C2CD3: variants seen among roughly 807,000 people sequenced by gnomAD.
C2CD3 encodes the protein C2 domain containing 3 centriole elongation regulator, also known as C2 domain-containing protein 3.
In C2CD3, 148 loss-of-function variants were observed where a neutral mutation model predicts 234.0. The observed-to-expected ratio is 0.63, with a 90% CI of 0.55 to 0.72. The LOEUF (loss-of-function observed/expected upper bound fraction) is 0.72. Ranked by LOEUF, C2CD3 falls within the 30% of genes least tolerant of loss-of-function variation. The pLI, the probability that C2CD3 is intolerant of heterozygous loss-of-function variation, is 0.00. For synonymous variants in C2CD3, 1,000 were observed against 1,035.4 expected (o/e 0.97, Z 0.66); for missense variants, 2,577 against 2,811.5 (o/e 0.92, Z 1.89).
chr11:74,042,369 G>T, intron 28 of C2CD3, 151 bp from the exon 29 acceptor site: 1 of 782,730 alleles, frequency 1.3e-6, no homozygotes, highest in Non-Finnish European at 2.0e-6. Context: ...TCTCTTGCTT[G>T]GATTATAAAT....
At chr11:74,138,390 GA>G in intron 5 of C2CD3, among the ~76,000 whole-genome samples, 1 of 152,276 alleles carries the variant, frequency 6.6e-6, no homozygotes, top group South Asian at 2.1e-4. Context: ...CTGATCACGA[GA>G]CAAAAACCTT....
At chr11:74,153,210 A>C (rs1256934292) in intron 3 of C2CD3, among the ~76,000 whole-genome samples, 1 of 148,026 alleles carries the variant, frequency 6.8e-6, no homozygotes, top group Admixed American at 6.8e-5. Context: ...TCTGTCTCTT[A>C]AAAACAAAAC....
Position 74,041,746 on chromosome 11 carries a change from A to C in C2CD3, c.5660+308T>G, listed in dbSNP as rs826075. 0.15 allele frequency among the ~76,000 whole-genome samples: 22,243 copies of C among 152,184 alleles called. 4,655 individuals are homozygous for C. Among genetic ancestry groups the C allele is most frequent in the African/African-American group, 0.47 (19,385 of 41,464 alleles). On this transcript the variant is annotated intron_variant, in intron 29 of 32. Transcript: ENST00000334126. ...GGACAGAGGCTGGTCTGGACGAAGT[A>C]AATGGTTGTGAGGTTGTGAGGCTGG... is the stretch of plus-strand genomic sequence containing the variant.
chr11:74,150,059 T>C (rs1336310379), intron 3 of C2CD3, among the ~76,000 whole-genome samples: 1 of 152,146 alleles, frequency 6.6e-6, no homozygotes. Flanking sequence ...TAGAATCTTG[T>C]TTTTGTTTTC....
chr11:74,040,776 C>T (rs1952999029), intron 29 of C2CD3, among the ~76,000 whole-genome samples: 1 of 151,170 alleles, frequency 6.6e-6, no homozygotes, highest in South Asian at 2.1e-4. Context: ...AAAACAAAAA[C>T]AAACAAACAA....
At chr11:74,027,771 C>T (rs2135407832) in intron 32 of C2CD3, among the ~76,000 whole-genome samples, 1 of 152,276 alleles carries the variant, frequency 6.6e-6, no homozygotes, top group Middle Eastern at 3.4e-3. Context: ...TTGGTACTTG[C>T]AAGAAAGTTC....
intron 9 of C2CD3, among the ~76,000 whole-genome samples, chr11:74,116,537 C>T (rs1956931571): frequency 6.6e-6 from 1 of 151,678 alleles, no homozygotes; most frequent in African/African-American, 2.4e-5. Flanking sequence ...GGAATGTAAA[C>T]TAGTACAACT....
At chr11:74,051,314 A>AG (rs1404707718) in intron 26 of C2CD3, among the ~76,000 whole-genome samples, 9 of 151,858 alleles carry the variant, frequency 5.9e-5, no homozygotes, top group African/African-American at 1.9e-4. Context: ...AAAAAAAAAA[A>AG]GATCCCCTTC....
At chr11:74,145,671 A>G (rs1855132614) in intron 3 of C2CD3, among the ~76,000 whole-genome samples, 2 of 152,080 alleles carry the variant, frequency 1.3e-5, no homozygotes, top group African/African-American at 4.8e-5. Flanking sequence ...GAGTCTTTAC[A>G]GTTTTAGGTT....
chr11:74,042,336 C>G lies in C2CD3; in HGVS notation c.5496-118G>C, dbSNP rs1038162482. On this transcript the variant is annotated intron_variant, in intron 28 of 32. Transcript: ENST00000334126. ...GAAATGGAATGCAAATCTATCCCCACTATCACAGTTCTGGCCTTATCATCT... is the reference window on the plus strand; with the variant it reads ...GAAATGGAATGCAAATCTATCCCCAGTATCACAGTTCTGGCCTTATCATCT... The G allele has an allele frequency of 2.9e-6, 3 of 1,019,634 alleles. No homozygotes were observed. In the African/African-American group the frequency reaches 4.9e-5, roughly 17 times the overall value. The allele number at this position is 1,019,634 out of a possible 1,614,324, so 63.2% of individuals were successfully genotyped here.
intron 5 of C2CD3, among the ~76,000 whole-genome samples, chr11:74,137,030 C>CT (rs1166676910): frequency 2.4e-3 from 327 of 138,222 alleles, no homozygotes; most frequent in African/African-American, 6.0e-3. Flanking sequence ...TTTCTCTTTG[C>CT]TTTTTTTTTT....
At chr11:74,141,405 G>A (rs1958044706) in intron 3 of C2CD3, among the ~76,000 whole-genome samples, 1 of 152,204 alleles carries the variant, frequency 6.6e-6, no homozygotes, top group Admixed American at 6.5e-5. Context: ...TAAATGCCAG[G>A]AAGTGTTCCC....
intron 26 of C2CD3, 32 bp downstream of exon 26, chr11:74,054,575 G>T: frequency 1.8e-6 from 2 of 1,096,884 alleles, no homozygotes; most frequent in Non-Finnish European, 2.7e-6. Context: ...ATTTTTACAA[G>T]CAAGCAGATA....
chr11:74,145,126 T>A (rs1855087762), intron 3 of C2CD3, among the ~76,000 whole-genome samples: 2 of 152,218 alleles, frequency 1.3e-5, no homozygotes, highest in Admixed American at 1.3e-4. Context: ...TGTTTTTAGA[T>A]CTTTGACGAA....
chr11:74,143,876 G>A (rs1416604872), intron 3 of C2CD3, among the ~76,000 whole-genome samples: 1 of 151,998 alleles, frequency 6.6e-6, no homozygotes, highest in Admixed American at 6.6e-5. Flanking sequence ...TTTTCAGAAG[G>A]TTTTAAGCTA....
At chr11:74,098,471 G>A (rs527595190) in intron 15 of C2CD3, among the ~76,000 whole-genome samples, 1 of 152,344 alleles carries the variant, frequency 6.6e-6, no homozygotes, top group South Asian at 2.1e-4. Flanking sequence ...GGCAAGGAAT[G>A]TGTCTGATAT....
At chr11:74,140,673 T>C (rs1428584936) in intron 3 of C2CD3, among the ~76,000 whole-genome samples, 2 of 152,168 alleles carry the variant, frequency 1.3e-5, no homozygotes, top group African/African-American at 4.8e-5. Flanking sequence ...CTACTTAGCA[T>C]AGTGTGTGTA....
intron 26 of C2CD3, 75 bp downstream of exon 26, chr11:74,054,532 A>AAG: frequency 1.5e-6 from 1 of 679,226 alleles, no homozygotes; most frequent in Non-Finnish European, 2.4e-6. Context: ...AAAAAAAAAA[A>AAG]GGAATGGTAG....
chr11:74,076,461 T>C (rs1332646204), intron 23 of C2CD3, among the ~76,000 whole-genome samples: 5 of 152,234 alleles, frequency 3.3e-5, no homozygotes, highest in Non-Finnish European at 7.3e-5. Flanking sequence ...TCTGGCTATC[T>C]CTAATTCATC....
Sources: allele counts gnomAD v4.1 joint callset (sites outside exome capture counted in the v4.1 genomes callset), GRCh38; gene constraint gnomAD v4.1.1; transcripts MANE v1.5; gene names NCBI Gene and HGNC (gene_info 2026-07-23, HGNC 2026-07-21).